DLGAP2: variants seen among roughly 807,000 people sequenced by gnomAD.
The protein encoded by DLGAP2 is disks large-associated protein 2.
DLGAP2 carries 26 observed loss-of-function variants against 100.3 expected under a neutral mutation model. That is an observed-to-expected ratio of 0.26 (90% confidence interval 0.19 to 0.36). The LOEUF (loss-of-function observed/expected upper bound fraction) is 0.36, where lower values mean the gene tolerates loss of function less well. Ranked by LOEUF, DLGAP2 falls within the 10% of genes least tolerant of loss-of-function variation. DLGAP2 has a pLI of 1.00. For synonymous variants in DLGAP2, 886 were observed against 630.1 expected (o/e 1.41, Z -6.08); for missense variants, 1,858 against 1,453.2 (o/e 1.28, Z -4.53).
At chr8:946,184 T>C (rs1046707305) in intron 2 of DLGAP2, among the ~76,000 whole-genome samples, 8 of 152,112 alleles carry the variant, frequency 5.3e-5, no homozygotes, top group Non-Finnish European at 1.0e-4. Context: ...GAGTCACACA[T>C]TGATTGTCAT....
intron 1 of DLGAP2, among the ~76,000 whole-genome samples, chr8:862,166 C>G (rs962886400): frequency 1.3e-5 from 2 of 152,130 alleles, no homozygotes; most frequent in African/African-American, 2.4e-5. Context: ...GGAGAAGGCT[C>G]CGGGCCTCGT....
intron 3 of DLGAP2, chr8:1,368,889 G>A (rs924426727): frequency 2.0e-5 from 3 of 152,190 alleles, no homozygotes; most frequent in Non-Finnish European, 4.4e-5. Context: ...TGACTGCGAT[G>A]GCTCTAAGTG....
At chr8:844,528 G>A (rs549455977) in intron 1 of DLGAP2, among the ~76,000 whole-genome samples, 1 of 151,258 alleles carries the variant, frequency 6.6e-6, no homozygotes, top group South Asian at 2.1e-4. Flanking sequence ...GCTGTCCTTC[G>A]TCGCCCATCA....
intron 1 of DLGAP2, among the ~76,000 whole-genome samples, chr8:802,678 C>A (rs1277343889): frequency 6.6e-6 from 1 of 152,072 alleles, no homozygotes; most frequent in Non-Finnish European, 1.5e-5. Context: ...TTCCCTTGAT[C>A]GCCGCCCTGC....
intron 4 of DLGAP2, among the ~76,000 whole-genome samples, chr8:1,527,435 G>C (rs1286164991): frequency 6.6e-6 from 1 of 152,378 alleles, no homozygotes. Context: ...GAGGATGTCA[G>C]TGGAAAGCCA....
intron 3 of DLGAP2, 78 bp from the exon 4 acceptor site, chr8:1,501,288 G>A: frequency 7.0e-7 from 1 of 1,433,956 alleles, no homozygotes; most frequent in Non-Finnish European, 9.5e-7. Context: ...AGTGTGGAGG[G>A]TTTTGAAGAT....
At chr8:746,560 T>C (rs1394240856) in intron 1 of DLGAP2, among the ~76,000 whole-genome samples, 3 of 152,250 alleles carry the variant, frequency 2.0e-5, no homozygotes, top group Admixed American at 6.5e-5. Flanking sequence ...GTCATGGCAG[T>C]GTCCCTGCAC....
intron 2 of DLGAP2, among the ~76,000 whole-genome samples, chr8:1,071,085 C>T (rs1478369456): frequency 1.3e-5 from 2 of 152,196 alleles, no homozygotes; most frequent in African/African-American, 4.8e-5. Context: ...CCGGGCCTCT[C>T]TCTCCTGGCC....
At chr8:983,157 C>G (rs1175387588) in intron 2 of DLGAP2, among the ~76,000 whole-genome samples, 1 of 152,216 alleles carries the variant, frequency 6.6e-6, no homozygotes, top group Non-Finnish European at 1.5e-5. Context: ...AGATAATGTT[C>G]TCTTGAAAAT....
chr8:1,267,628 A>G (rs1799492068), intron 3 of DLGAP2, among the ~76,000 whole-genome samples: 1 of 20,898 alleles, frequency 4.8e-5, no homozygotes, highest in East Asian at 1.6e-3. Flanking sequence ...TAAGATAAAT[A>G]TTAAATAGGT....
chr8:1,309,846 G>A (rs185039931), intron 3 of DLGAP2, among the ~76,000 whole-genome samples: 12 of 152,218 alleles, frequency 7.9e-5, no homozygotes, highest in African/African-American at 2.7e-4. Context: ...TGTAATCCCA[G>A]CACTTTGGGA....
chr8:1,191,736 C>T (rs370000873), intron 2 of DLGAP2, among the ~76,000 whole-genome samples: 1 of 152,168 alleles, frequency 6.6e-6, no homozygotes, highest in African/African-American at 2.4e-5. Flanking sequence ...TCACACTTTA[C>T]CCTCCTATTT....
intron 2 of DLGAP2, among the ~76,000 whole-genome samples, chr8:1,174,202 A>G (rs1183843392): frequency 2.6e-5 from 4 of 152,100 alleles, no homozygotes; most frequent in African/African-American, 4.8e-5. Context: ...CTAAGGAAGA[A>G]GGAAAAACAG....
At chr8:921,682 A>G (rs923000504) in intron 2 of DLGAP2, among the ~76,000 whole-genome samples, 3 of 152,224 alleles carry the variant, frequency 2.0e-5, no homozygotes, top group Admixed American at 6.5e-5. Context: ...TGTCACGGCT[A>G]CTGCCACCCA....
chr8:809,935 T>A (rs533049665), intron 1 of DLGAP2, among the ~76,000 whole-genome samples: 2 of 152,230 alleles, frequency 1.3e-5, no homozygotes, highest in Admixed American at 1.3e-4. Context: ...AATTTCTCTT[T>A]GGTTGGCGAT....
rs532426693 is a variant in DLGAP2 at position 1,595,459 on chromosome 8, C to G, written c.1442+29565C>G. Among the ~76,000 whole-genome samples, 210 of 150,912 alleles carry G rather than the reference C, an allele frequency of 1.4e-3. 1 individual carries two copies. Among genetic ancestry groups the G allele is most frequent in the Non-Finnish European group, 2.4e-3 (165 of 67,708 alleles). On this transcript the variant is annotated intron_variant, in intron 6 of 14. Coordinates refer to ENST00000637795, the MANE Select transcript of DLGAP2 (RefSeq NM_001346810.2). ...CGGGTGGATCATGAGGTCAGGAGAT[C>G]GAGACCATCCTGGCTAACAAGGTGA...
At chr8:1,183,216 C>T (rs1485809396) in intron 2 of DLGAP2, among the ~76,000 whole-genome samples, 1 of 151,992 alleles carries the variant, frequency 6.6e-6, no homozygotes, top group African/African-American at 2.4e-5. Flanking sequence ...GGAGCGGGGT[C>T]CTGGCGTGGA....
In DLGAP2 at chr8:998,025, A is replaced by C. The variant is rs554021682; in HGVS notation, c.73+90059A>C. Among the ~76,000 whole-genome samples the C allele has an allele frequency of 1.9e-3, 294 of 151,978 alleles. 1 individual carries two copies. The highest frequency in any genetic ancestry group is 3.8e-3 in the Admixed American group (57 of 15,130). The stretch of plus-strand genomic sequence containing the variant: ...AACATGCATAGACATGCACACAAAC[A>C]TGCATAAACATGTGCATACAGTCAT... On this transcript the variant is annotated intron_variant, in intron 2 of 14. Transcript: ENST00000637795.
intron 4 of DLGAP2, among the ~76,000 whole-genome samples, chr8:1,517,475 C>G (rs779551832): frequency 2.6e-5 from 4 of 152,150 alleles, no homozygotes; most frequent in African/African-American, 7.2e-5. Flanking sequence ...CTGAGAGCCT[C>G]CCACCCTGGC....
Sources: allele counts gnomAD v4.1 joint callset (sites outside exome capture counted in the v4.1 genomes callset), GRCh38; gene constraint gnomAD v4.1.1; transcripts MANE v1.5; gene names NCBI Gene and HGNC (gene_info 2026-07-23, HGNC 2026-07-21).